MSRA: variants seen among roughly 807,000 people sequenced by gnomAD.
MSRA encodes the protein methionine sulfoxide reductase A.
A neutral mutation model predicts 31.3 loss-of-function variants in MSRA; 54 were observed. The ratio of observed to expected loss-of-function variants is 1.73; its 90% CI spans 1.39 to 2.17. The LOEUF (loss-of-function observed/expected upper bound fraction) is 2.17. Among genes scored for constraint, MSRA ranks in the 30% most tolerant of loss-of-function variants. The pLI, the probability that MSRA is intolerant of heterozygous loss-of-function variation, is 0.00. For synonymous variants in MSRA, 169 were observed against 116.5 expected (o/e 1.45, Z -2.90); for missense variants, 507 against 300.9 (o/e 1.69, Z -5.07).
chr8:10,428,030 C>G, intron 5 of MSRA, 118 bp from the exon 6 acceptor site: 2 of 1,076,334 alleles, frequency 1.9e-6, no homozygotes, highest in Non-Finnish European at 2.6e-6. Flanking sequence ...TAAAGGGGAC[C>G]CACTGCACAT....
intron 5 of MSRA, among the ~76,000 whole-genome samples, chr8:10,380,119 T>A (rs149550887): frequency 6.6e-6 from 1 of 152,320 alleles, no homozygotes; most frequent in East Asian, 1.9e-4. Flanking sequence ...CTACTATACA[T>A]CTCCTCCTGC....
At chr8:10,336,392 G>A (rs1486838201) in intron 5 of MSRA, among the ~76,000 whole-genome samples, 1 of 151,162 alleles carries the variant, frequency 6.6e-6, no homozygotes, top group Non-Finnish European at 1.5e-5. Context: ...GGAATCCACA[G>A]AGCCTAACAC....
chr8:10,178,533 C>G (rs146696896), intron 1 of MSRA, among the ~76,000 whole-genome samples: 134 of 152,252 alleles, frequency 8.8e-4, no homozygotes, highest in African/African-American at 3.1e-3. Context: ...AATGCGGAAA[C>G]TACCACAGAG....
At chr8:10,239,545 G>C (rs2952236) in intron 2 of MSRA, among the ~76,000 whole-genome samples, 2 of 152,178 alleles carry the variant, frequency 1.3e-5, no homozygotes, top group Admixed American at 1.3e-4. Flanking sequence ...GCACAACAGA[G>C]ATCCTCCTAC....
At chr8:10,265,930 G>T (rs1798725453) in intron 3 of MSRA, among the ~76,000 whole-genome samples, 2 of 152,194 alleles carry the variant, frequency 1.3e-5, no homozygotes, top group African/African-American at 4.8e-5. Flanking sequence ...TCTCGGATCA[G>T]CAGTTCACTC....
At chr8:10,105,313 C>G (rs773571804) in intron 1 of MSRA, among the ~76,000 whole-genome samples, 3 of 152,168 alleles carry the variant, frequency 2.0e-5, no homozygotes, top group South Asian at 2.1e-4. Context: ...TACATGCTTA[C>G]AATCCATGCT....
At chr8:10,070,492 T>G (rs777159199) in intron 1 of MSRA, among the ~76,000 whole-genome samples, 5 of 152,244 alleles carry the variant, frequency 3.3e-5, no homozygotes, top group Admixed American at 2.6e-4. Context: ...TTGTACTCTG[T>G]GGATCTGTTG....
rs76147447 is a variant in MSRA at position 10,248,312 on chromosome 8, G to A, written c.331+3089G>A. Reference sequence around the variant, plus strand: ...GTGCAGATTCCTTCTCTCATAAAGCGGTATGCTTGAGCTTAAGGTACCATG... The same window carrying A: ...GTGCAGATTCCTTCTCTCATAAAGCAGTATGCTTGAGCTTAAGGTACCATG... On this transcript the variant is annotated intron_variant, in intron 3 of 5. Transcript: ENST00000317173. Among the ~76,000 whole-genome samples the A allele has an allele frequency of 5.8e-3, 882 of 152,252 alleles. 8 individuals are homozygous for A. Among genetic ancestry groups the A allele is most frequent in the African/African-American group, 0.02 (842 of 41,540 alleles).
chr8:10,402,645 A>C (rs976728695), intron 5 of MSRA, among the ~76,000 whole-genome samples: 2 of 152,194 alleles, frequency 1.3e-5, no homozygotes, highest in Non-Finnish European at 2.9e-5. Context: ...GAGTATCCAC[A>C]ATGGAAAGAA....
chr8:10,165,311 C>G (rs544907330), intron 1 of MSRA, among the ~76,000 whole-genome samples: 11 of 152,278 alleles, frequency 7.2e-5, no homozygotes, highest in Admixed American at 4.6e-4. Context: ...AATATAGCTA[C>G]TTTCTCTGGC....
intron 3 of MSRA, among the ~76,000 whole-genome samples, chr8:10,253,555 A>G (rs901997862): frequency 2.6e-5 from 4 of 152,226 alleles, no homozygotes; most frequent in African/African-American, 9.7e-5. Flanking sequence ...CCCATTCAAC[A>G]CTAGAAATAG....
intron 1 of MSRA, among the ~76,000 whole-genome samples, chr8:10,064,049 G>A (rs2128914083): frequency 6.6e-6 from 1 of 152,236 alleles, no homozygotes; most frequent in Non-Finnish European, 1.5e-5. Flanking sequence ...TCTCTCCTTG[G>A]GGAGATGAAG....
At chr8:10,410,315 T>A (rs1356411824) in intron 5 of MSRA, among the ~76,000 whole-genome samples, 1 of 152,098 alleles carries the variant, frequency 6.6e-6, no homozygotes, top group African/African-American at 2.4e-5. Context: ...AAAACCCAAG[T>A]CACTTGTTTG....
At chr8:10,061,619 T>C (rs1802735671) in intron 1 of MSRA, among the ~76,000 whole-genome samples, 1 of 150,032 alleles carries the variant, frequency 6.7e-6, no homozygotes, top group Admixed American at 6.6e-5. Context: ...TCACCAAGAG[T>C]GCAGTCAATA....
At chr8:10,281,199 A>T (rs1298456000) in intron 3 of MSRA, among the ~76,000 whole-genome samples, 1 of 152,210 alleles carries the variant, frequency 6.6e-6, no homozygotes, top group African/African-American at 2.4e-5. Context: ...AGAAAAAAGC[A>T]TTTTCTACCA....
At chr8:10,251,207 AC>A (rs1337140309) in intron 3 of MSRA, among the ~76,000 whole-genome samples, 1 of 133,816 alleles carries the variant, frequency 7.5e-6, no homozygotes, top group Non-Finnish European at 1.7e-5. Flanking sequence ...AACTCAGTAT[AC>A]TTTTTTTTTT....
At chr8:10,185,845 C>T (rs11787363) in intron 1 of MSRA, among the ~76,000 whole-genome samples, 52,846 of 151,984 alleles carry the variant, frequency 0.35, 9,904 homozygotes, top group East Asian at 0.5. Context: ...GTGTGAATCA[C>T]CCCTTATGAT....
chr8:10,117,154 A>T (rs1020778990), intron 1 of MSRA, among the ~76,000 whole-genome samples: 6 of 152,142 alleles, frequency 3.9e-5, no homozygotes, highest in Non-Finnish European at 8.8e-5. Context: ...TAAAACAGAG[A>T]CGCCTCTGTC....
intron 1 of MSRA, among the ~76,000 whole-genome samples, chr8:10,081,158 G>C (rs1563410481): frequency 6.6e-6 from 1 of 152,212 alleles, no homozygotes. Flanking sequence ...GCAACAGCAG[G>C]AAGGGGTTGA....
Sources: gnomAD v4.1 joint callset for allele counts (sites outside exome capture counted in the v4.1 genomes callset) on GRCh38, gnomAD v4.1.1 for gene constraint, MANE v1.5 for transcripts, NCBI Gene and HGNC (gene_info 2026-07-23, HGNC 2026-07-21) for gene names.